Variants in SCHIP1 observed in about 807,000 individuals in gnomAD.
SCHIP1 encodes schwannomin-interacting protein 1.
SCHIP1 carries 8 observed loss-of-function variants against 29.7 expected under a neutral mutation model. The ratio of observed to expected loss-of-function variants is 0.27; its 90% CI spans 0.16 to 0.49. The LOEUF (loss-of-function observed/expected upper bound fraction) is 0.49. Among genes scored for constraint, SCHIP1 ranks in the 20% least tolerant of loss-of-function variants. The probability of loss-of-function intolerance (pLI) is 0.99; values close to 1 mark genes in which losing one functional copy is unlikely to be tolerated. For synonymous variants in SCHIP1, 76 were observed against 94.9 expected, an observed-to-expected ratio of 0.80 and a Z score of 1.16; for missense variants, 193 against 294.6, an observed-to-expected ratio of 0.66 and a Z score of 2.52.
chr3:159,481,971 C>T, the SCHIP1 span, among the ~76,000 whole-genome samples: 1 of 151,946 alleles, frequency 6.6e-6, no homozygotes, highest in Non-Finnish European at 1.5e-5. Flanking sequence ...GAAGCTGGGG[C>T]TAATTTTTTG....
At chr3:159,458,993 C>T in the SCHIP1 span, among the ~76,000 whole-genome samples, 1 of 152,078 alleles carries the variant, frequency 6.6e-6, no homozygotes, top group African/African-American at 2.4e-5. Flanking sequence ...TACCTTTATG[C>T]TATTTCTGTA....
the SCHIP1 span, among the ~76,000 whole-genome samples, chr3:159,507,976 C>T: frequency 6.6e-6 from 1 of 152,090 alleles, no homozygotes; most frequent in Non-Finnish European, 1.5e-5. Context: ...ATGATGCTGG[C>T]CTCATAAAAT....
At chr3:159,672,987 C>T in the SCHIP1 span, among the ~76,000 whole-genome samples, 2 of 152,166 alleles carry the variant, frequency 1.3e-5, no homozygotes, top group African/African-American at 4.8e-5. Flanking sequence ...GAGAGAGTCT[C>T]TGAACCATAT....
At chr3:159,701,758 CT>C in the SCHIP1 span, among the ~76,000 whole-genome samples, 7 of 151,108 alleles carry the variant, frequency 4.6e-5, no homozygotes, top group Admixed American at 1.3e-4. Flanking sequence ...CCTCAGTGAC[CT>C]TTTTTTTTCT....
chr3:159,763,788 G>T, the SCHIP1 span: 2 of 152,252 alleles, frequency 1.3e-5, no homozygotes, highest in Non-Finnish European at 2.9e-5. Context: ...CGTGGGCCGA[G>T]AGCGCCCCCC....
chr3:159,440,541 G>A, the SCHIP1 span, among the ~76,000 whole-genome samples: 1 of 152,104 alleles, frequency 6.6e-6, no homozygotes, highest in Non-Finnish European at 1.5e-5. Context: ...AACTTGCCTT[G>A]TTCTGTTTGG....
intron 2 of SCHIP1, among the ~76,000 whole-genome samples, chr3:159,883,810 G>A (rs1422130814): frequency 6.6e-6 from 1 of 152,020 alleles, no homozygotes; most frequent in East Asian, 1.9e-4. Context: ...TCTACCTGCG[G>A]CGTTTTTTGA....
chr3:159,707,739 G>A, the SCHIP1 span, among the ~76,000 whole-genome samples: 14 of 152,150 alleles, frequency 9.2e-5, no homozygotes, highest in African/African-American at 3.1e-4. Context: ...AAATTTTCCC[G>A]TAGATCAAAG....
At chr3:159,455,237 A>G in the SCHIP1 span, among the ~76,000 whole-genome samples, 1 of 152,118 alleles carries the variant, frequency 6.6e-6, no homozygotes, top group South Asian at 2.1e-4. Flanking sequence ...TCCTCTAAGG[A>G]CTCACAATAT....
the SCHIP1 span, among the ~76,000 whole-genome samples, chr3:159,441,033 T>A: frequency 6.6e-6 from 1 of 152,208 alleles, no homozygotes; most frequent in Admixed American, 6.6e-5. Context: ...ACTTCCAGCT[T>A]CCTTGTTACA....
chr3:159,727,304 T>G, the SCHIP1 span, among the ~76,000 whole-genome samples: 1 of 152,224 alleles, frequency 6.6e-6, no homozygotes, highest in Non-Finnish European at 1.5e-5. Flanking sequence ...CAGAATTAAT[T>G]ACTACCTGAC....
the SCHIP1 span, among the ~76,000 whole-genome samples, chr3:159,665,673 A>T: frequency 2.6e-5 from 4 of 152,070 alleles, no homozygotes; most frequent in Non-Finnish European, 5.9e-5. Flanking sequence ...TTCCCTTGCC[A>T]CTGACAGCCC....
At chr3:159,691,021 C>G in the SCHIP1 span, among the ~76,000 whole-genome samples, 2 of 152,036 alleles carry the variant, frequency 1.3e-5, no homozygotes, top group African/African-American at 4.8e-5. Context: ...ATTATGTGGT[C>G]GATTTTAGAA....
chr3:159,750,261 GTGTATATA>G, the SCHIP1 span, among the ~76,000 whole-genome samples: 85 of 11,804 alleles, frequency 7.2e-3, no homozygotes, highest in African/African-American at 0.012. Context: ...GTATGTGTGT[GTGTATATA>G]TATATATATA....
At chr3:159,548,963 C>T in the SCHIP1 span, among the ~76,000 whole-genome samples, 1 of 152,056 alleles carries the variant, frequency 6.6e-6, no homozygotes, top group Non-Finnish European at 1.5e-5. Context: ...GAGTTATATC[C>T]TGGACATTGT....
At chr3:159,289,208 C>A in the SCHIP1 span, among the ~76,000 whole-genome samples, 2 of 152,202 alleles carry the variant, frequency 1.3e-5, no homozygotes, top group African/African-American at 4.8e-5. Context: ...CTAATCTCCA[C>A]AAAGCACCCA....
chr3:159,462,223 T>C, the SCHIP1 span, among the ~76,000 whole-genome samples: 1 of 151,468 alleles, frequency 6.6e-6, no homozygotes. Context: ...AAATAAAAAA[T>C]AAAAAATAAT....
chr3:159,334,158 A>G, the SCHIP1 span, among the ~76,000 whole-genome samples: 1 of 152,212 alleles, frequency 6.6e-6, no homozygotes, highest in Non-Finnish European at 1.5e-5. Flanking sequence ...TCTTTATCAT[A>G]TGGAAATATT....
At chr3:159,531,570 T>C in the SCHIP1 span, among the ~76,000 whole-genome samples, 39 of 152,216 alleles carry the variant, frequency 2.6e-4, no homozygotes, top group Non-Finnish European at 2.9e-5. Context: ...CAAAAACTGA[T>C]GGGCCAGTGA....
Sources: allele counts gnomAD v4.1 joint callset (sites outside exome capture counted in the v4.1 genomes callset), GRCh38; gene constraint gnomAD v4.1.1; transcripts MANE v1.5; gene names NCBI Gene and HGNC (gene_info 2026-07-23, HGNC 2026-07-21).